Variants in CADM2 observed in about 807,000 individuals in gnomAD.
The protein encoded by CADM2 is immunoglobulin superfamily member 4D.
CADM2 carries 12 observed loss-of-function variants against 49.8 expected under a neutral mutation model. That is an observed-to-expected ratio of 0.24 (90% CI 0.15 to 0.39). The LOEUF is 0.39. Ranked by LOEUF, CADM2 falls within the 10% of genes least tolerant of loss-of-function variation. The pLI is 1.00. For synonymous variants in CADM2, 214 were observed against 175.4 expected, an observed-to-expected ratio of 1.22 and a Z score of -1.74; for missense variants, 378 against 492.3, an observed-to-expected ratio of 0.77 and a Z score of 2.20.
At chr3:85,744,819 G>A (rs1437819282) in intron 2 of CADM2, among the ~76,000 whole-genome samples, 2 of 152,140 alleles carry the variant, frequency 1.3e-5, no homozygotes, top group Non-Finnish European at 2.9e-5. Flanking sequence ...GGACCTGGTT[G>A]CATGGGGACA....
intron 1 of CADM2, among the ~76,000 whole-genome samples, chr3:85,116,234 G>T (rs2038632732): frequency 6.6e-6 from 1 of 152,220 alleles, no homozygotes; most frequent in South Asian, 2.1e-4. Flanking sequence ...GGCTGAGGCA[G>T]GAGAATCTCT....
intron 1 of CADM2, among the ~76,000 whole-genome samples, chr3:85,040,163 G>A (rs2035380069): frequency 6.6e-6 from 1 of 152,156 alleles, no homozygotes; most frequent in South Asian, 2.1e-4. Flanking sequence ...GATGGCCTCT[G>A]TGTAGTTAAA....
At chr3:85,193,967 A>G (rs768565525) in intron 1 of CADM2, among the ~76,000 whole-genome samples, 41 of 152,114 alleles carry the variant, frequency 2.7e-4, no homozygotes, top group African/African-American at 9.7e-4. Context: ...TGATAATCAA[A>G]TAATTATGTC....
At chr3:85,510,117 G>A (rs2106832147) in intron 1 of CADM2, among the ~76,000 whole-genome samples, 1 of 151,942 alleles carries the variant, frequency 6.6e-6, no homozygotes, top group South Asian at 2.1e-4. Flanking sequence ...CTCCATGAAG[G>A]AAGAAAAAAT....
At chr3:85,384,188 C>T (rs1390775698) in intron 1 of CADM2, among the ~76,000 whole-genome samples, 1 of 151,804 alleles carries the variant, frequency 6.6e-6, no homozygotes, top group East Asian at 1.9e-4. Flanking sequence ...AGAAAAACGA[C>T]ATCCCATTGT....
At chr3:85,464,442 C>T (rs537221698) in intron 1 of CADM2, among the ~76,000 whole-genome samples, 11 of 152,152 alleles carry the variant, frequency 7.2e-5, no homozygotes, top group South Asian at 6.2e-4. Flanking sequence ...GATCCTTCAA[C>T]GTTTAAACTT....
At chr3:85,462,952 C>T (rs555311282) in intron 1 of CADM2, among the ~76,000 whole-genome samples, 2 of 152,162 alleles carry the variant, frequency 1.3e-5, no homozygotes, top group Middle Eastern at 3.4e-3. Context: ...TGGATTCTCT[C>T]CTGTGACCTG....
At chr3:85,957,920 AC>A (rs1450427814) in intron 7 of CADM2, among the ~76,000 whole-genome samples, 1 of 152,054 alleles carries the variant, frequency 6.6e-6, no homozygotes, top group East Asian at 1.9e-4. Flanking sequence ...AGCGATTGCA[AC>A]AAAAGCCAAA....
chr3:84,960,680 A>G (rs1163190963), intron 1 of CADM2, among the ~76,000 whole-genome samples: 1 of 152,202 alleles, frequency 6.6e-6, no homozygotes, highest in Non-Finnish European at 1.5e-5. Flanking sequence ...GTTATTATGC[A>G]AATCACTGGG....
At chr3:85,376,063 T>A (rs184627100) in intron 1 of CADM2, among the ~76,000 whole-genome samples, 9 of 152,274 alleles carry the variant, frequency 5.9e-5, no homozygotes, top group Admixed American at 5.9e-4. Flanking sequence ...AGTACTATTA[T>A]TATCAATTTA....
chr3:85,265,490 A>C (rs1472094329), intron 1 of CADM2, among the ~76,000 whole-genome samples: 1 of 151,984 alleles, frequency 6.6e-6, no homozygotes, highest in African/African-American at 2.4e-5. Context: ...AGAGCATGAG[A>C]GAGAGAGCAA....
At chr3:85,942,847 C>T (rs539140281) in intron 7 of CADM2, among the ~76,000 whole-genome samples, 7 of 152,150 alleles carry the variant, frequency 4.6e-5, no homozygotes, top group African/African-American at 1.7e-4. Context: ...TGGGTATATA[C>T]CCAGTAATGG....
chr3:85,439,625 A>G (rs1424241072), intron 1 of CADM2, among the ~76,000 whole-genome samples: 2 of 152,070 alleles, frequency 1.3e-5, no homozygotes, highest in Admixed American at 6.6e-5. Flanking sequence ...TTAAGCCAAA[A>G]TTATTGCAGC....
chr3:85,585,169 G>A (rs371257363), intron 1 of CADM2, among the ~76,000 whole-genome samples: 12 of 151,864 alleles, frequency 7.9e-5, no homozygotes, highest in Admixed American at 1.3e-4. Context: ...TATCCACTCT[G>A]TTGAAACCAC....
intron 8 of CADM2, among the ~76,000 whole-genome samples, chr3:85,971,225 C>G (rs1726084737): frequency 6.6e-6 from 1 of 151,574 alleles, no homozygotes; most frequent in Admixed American, 6.6e-5. Context: ...CTTATGGACT[C>G]TCGTATGTCC....
At chr3:85,371,084 G>A (rs1019677672) in intron 1 of CADM2, among the ~76,000 whole-genome samples, 1 of 151,918 alleles carries the variant, frequency 6.6e-6, no homozygotes, top group African/African-American at 2.4e-5. Flanking sequence ...AATTCTAAAA[G>A]CATAAAAAGT....
At chr3:85,212,880 T>TCTCTCTCTCTCTCTCTC (rs1559723868) in intron 1 of CADM2, among the ~76,000 whole-genome samples, 2 of 89,054 alleles carry the variant, frequency 2.2e-5, no homozygotes, top group Admixed American at 1.2e-4. Flanking sequence ...CTTTCTTTCT[T>TCTCTCTCTCTCTCTCTC]TCTTTCTCTT....
chr3:85,897,559 G>A (rs147171397), intron 5 of CADM2, among the ~76,000 whole-genome samples: 67 of 151,864 alleles, frequency 4.4e-4, no homozygotes, highest in African/African-American at 1.4e-3. Flanking sequence ...GTGAGCCACC[G>A]CGCCCGGCCT....
intron 1 of CADM2, among the ~76,000 whole-genome samples, chr3:85,521,132 A>T (rs1430716121): frequency 6.6e-6 from 1 of 152,152 alleles, no homozygotes; most frequent in Non-Finnish European, 1.5e-5. Context: ...TGTTTAGAGA[A>T]AGCCTATGTA....
Sources: gnomAD v4.1 joint callset for allele counts (sites outside exome capture counted in the v4.1 genomes callset) on GRCh38, gnomAD v4.1.1 for gene constraint, MANE v1.5 for transcripts, NCBI Gene and HGNC (gene_info 2026-07-23, HGNC 2026-07-21) for gene names.